The following CNTNAP2 variants were observed in gnomAD, a reference collection of about 807,000 sequenced individuals.
CNTNAP2 encodes contactin associated protein 2.
CNTNAP2 carries 98 observed loss-of-function variants against 155.2 expected under a neutral mutation model. That is an observed-to-expected ratio of 0.63 (90% CI 0.54 to 0.75). The LOEUF (loss-of-function observed/expected upper bound fraction) is 0.75. Ranked by LOEUF, CNTNAP2 falls within the 30% of genes least tolerant of loss-of-function variation. The pLI is 0.00. For missense variants in CNTNAP2, 1,727 were observed against 1,688.1 expected (o/e 1.02, Z -0.40); for synonymous variants, 651 against 631.2 (o/e 1.03, Z -0.47).
chr7:148,130,162 C>T (rs1210879835), intron 16 of CNTNAP2, among the ~76,000 whole-genome samples: 1 of 152,222 alleles, frequency 6.6e-6, no homozygotes, highest in Admixed American at 6.5e-5. Flanking sequence ...CTTCATTATT[C>T]AAATTAGAAA....
chr7:146,868,399 A>T (rs748977676), intron 3 of CNTNAP2, among the ~76,000 whole-genome samples: 1 of 152,152 alleles, frequency 6.6e-6, no homozygotes, highest in Non-Finnish European at 1.5e-5. Context: ...TACCATTACC[A>T]TGCTGTTTTC....
At chr7:147,946,958 T>C (rs1188351777) in intron 14 of CNTNAP2, among the ~76,000 whole-genome samples, 1 of 152,178 alleles carries the variant, frequency 6.6e-6, no homozygotes, top group Non-Finnish European at 1.5e-5. Context: ...CTTATTTGTA[T>C]ACCCTTCTTC....
At chr7:147,103,276 C>T (rs1361282063) in intron 4 of CNTNAP2, among the ~76,000 whole-genome samples, 1 of 152,012 alleles carries the variant, frequency 6.6e-6, no homozygotes, top group Admixed American at 6.6e-5. Flanking sequence ...AGATAAATTC[C>T]ATAAAAATGA....
At chr7:146,740,657 G>C (rs1260757654) in intron 1 of CNTNAP2, among the ~76,000 whole-genome samples, 1 of 152,188 alleles carries the variant, frequency 6.6e-6, no homozygotes, top group African/African-American at 2.4e-5. Context: ...GACCAGTGTA[G>C]CACTGCCAGA....
At chr7:148,285,975 T>A (rs1385505699) in intron 21 of CNTNAP2, among the ~76,000 whole-genome samples, 1 of 152,238 alleles carries the variant, frequency 6.6e-6, no homozygotes, top group African/African-American at 2.4e-5. Context: ...ATGTATTATA[T>A]ACTGTATTCT....
intron 9 of CNTNAP2, among the ~76,000 whole-genome samples, chr7:147,317,504 T>C (rs902277979): frequency 7.2e-5 from 11 of 152,202 alleles, no homozygotes; most frequent in Non-Finnish European, 1.3e-4. Flanking sequence ...AGTGTTATGC[T>C]GCCTTTGTCA....
intron 11 of CNTNAP2, among the ~76,000 whole-genome samples, chr7:147,548,071 T>C (rs1799777860): frequency 6.6e-6 from 1 of 152,214 alleles, no homozygotes; most frequent in African/African-American, 2.4e-5. Context: ...TAAACATGTG[T>C]GCATGTGTCT....
At chr7:147,928,936 T>A (rs2538961) in intron 14 of CNTNAP2, among the ~76,000 whole-genome samples, 43,159 of 150,936 alleles carry the variant, frequency 0.29, 9,670 homozygotes, top group African/African-American at 0.63. Context: ...ACTAAAAAAA[T>A]ACAAAATTAG....
At chr7:147,658,805 G>A (rs1284710170) in intron 13 of CNTNAP2, among the ~76,000 whole-genome samples, 4 of 152,246 alleles carry the variant, frequency 2.6e-5, no homozygotes, top group African/African-American at 9.6e-5. Flanking sequence ...GCTTCCCACT[G>A]ACCCTTTGTT....
chr7:148,212,168 C>T (rs1214014351), intron 18 of CNTNAP2, among the ~76,000 whole-genome samples: 3 of 151,018 alleles, frequency 2.0e-5, no homozygotes, highest in Non-Finnish European at 2.9e-5. Flanking sequence ...CACTGTAAGC[C>T]TCGGGGATTT....
At chr7:148,260,548 A>T (rs973915254) in intron 20 of CNTNAP2, among the ~76,000 whole-genome samples, 2 of 152,240 alleles carry the variant, frequency 1.3e-5, no homozygotes, top group African/African-American at 4.8e-5. Context: ...TGTTGCAGTG[A>T]GGGCTTAGCA....
rs188459245 is a variant in CNTNAP2, at chr7:147,708,842, C to T, written c.2098+69536C>T. Among the ~76,000 whole-genome samples the T allele has an allele frequency of 2.6e-5, 4 of 152,220 alleles. No homozygotes were observed. In the East Asian group the frequency reaches 7.7e-4, roughly 29 times the overall value. On this transcript the variant is annotated intron_variant, in intron 13 of 23. Transcript: ENST00000361727. ...TCTATTCAAAGTGTGATCATCTATT[C>T]ACTGTTTTTGTTCTTCTCTGTGTAA...
At chr7:147,562,589 A>G (rs1294407126) in intron 12 of CNTNAP2, among the ~76,000 whole-genome samples, 1 of 152,206 alleles carries the variant, frequency 6.6e-6, no homozygotes, top group Non-Finnish European at 1.5e-5. Flanking sequence ...ATTTAGCATC[A>G]CTGCTCCAAT....
chr7:146,247,760 G>A (rs1009770553), intron 1 of CNTNAP2, among the ~76,000 whole-genome samples: 2 of 152,194 alleles, frequency 1.3e-5, no homozygotes, highest in East Asian at 1.9e-4. Context: ...TTTAGGTCAG[G>A]TGAGAGGTGA....
chr7:148,136,950 G>A lies in CNTNAP2; in HGVS notation c.2555-10541G>A, dbSNP rs538509212. ...AGCTGTTATCCAAAACAAAGGAAGC[G>A]TACTCTGTGAAAAATTGGTATTATT... On this transcript the variant is annotated intron_variant, in intron 16 of 23. Transcript: ENST00000361727. Among the ~76,000 whole-genome samples, 37 of 152,244 alleles carry A rather than the reference G, an allele frequency of 2.4e-4. No individual in the cohort carries two copies. In the South Asian group the frequency reaches 3.1e-3, roughly 13 times the overall value.
chr7:147,913,491 A>C (rs1414447902), intron 14 of CNTNAP2, among the ~76,000 whole-genome samples: 2 of 152,330 alleles, frequency 1.3e-5, no homozygotes, highest in African/African-American at 4.8e-5. Flanking sequence ...AATGGTTTTT[A>C]CAGCTTCAGA....
At chr7:146,258,108 T>C (rs1799866874) in intron 1 of CNTNAP2, among the ~76,000 whole-genome samples, 1 of 152,152 alleles carries the variant, frequency 6.6e-6, no homozygotes, top group African/African-American at 2.4e-5. Context: ...GCCATGCTGA[T>C]CTCGAACTCC....
chr7:148,354,839 C>T (rs1383095368), intron 21 of CNTNAP2, among the ~76,000 whole-genome samples: 1 of 152,122 alleles, frequency 6.6e-6, no homozygotes, highest in Non-Finnish European at 1.5e-5. Flanking sequence ...CTGAGCATGC[C>T]TGGGGACAGA....
At chr7:148,157,816 T>A (rs1805433533) in intron 17 of CNTNAP2, among the ~76,000 whole-genome samples, 1 of 152,140 alleles carries the variant, frequency 6.6e-6, no homozygotes, top group South Asian at 2.1e-4. Flanking sequence ...ACCATTGCCA[T>A]ACATTAAAGA....
Sources: gnomAD v4.1 joint callset for allele counts (sites outside exome capture counted in the v4.1 genomes callset) on GRCh38, gnomAD v4.1.1 for gene constraint, MANE v1.5 for transcripts, NCBI Gene and HGNC (gene_info 2026-07-23, HGNC 2026-07-21) for gene names.